The following STAG1 variants were observed in gnomAD, a reference collection of about 807,000 sequenced individuals.
The protein encoded by STAG1 is cohesin subunit SA-1.
STAG1 carries 26 observed loss-of-function variants against 170.9 expected under a neutral mutation model. The observed-to-expected ratio is 0.15, with a 90% CI of 0.11 to 0.21. STAG1 has a LOEUF of 0.21. Ranked by LOEUF, STAG1 falls within the 10% of genes least tolerant of loss-of-function variation. The pLI is 1.00. For synonymous variants in STAG1, 514 were observed against 497.7 expected (o/e 1.03, Z -0.44); for missense variants, 964 against 1,509.5 (o/e 0.64, Z 5.99).
intron 5 of STAG1, among the ~76,000 whole-genome samples, chr3:136,558,490 G>T (rs550014934): frequency 2.0e-5 from 3 of 152,334 alleles, no homozygotes; most frequent in East Asian, 3.9e-4. Context: ...TCATGCAAGA[G>T]AAAATTCTCA....
chr3:136,526,370 T>G (rs890624705), intron 6 of STAG1, among the ~76,000 whole-genome samples: 72 of 152,256 alleles, frequency 4.7e-4, no homozygotes, highest in East Asian at 5.8e-4. Context: ...TGTCTCTTTC[T>G]ATCTTTGTTG....
intron 4 of STAG1, among the ~76,000 whole-genome samples, chr3:136,574,171 G>A (rs1046051844): frequency 2.0e-5 from 3 of 152,066 alleles, no homozygotes; most frequent in African/African-American, 7.2e-5. Context: ...AACCCGGGAG[G>A]TGGAGGTTGC....
At chr3:136,534,576 A>G (rs868596918) in intron 6 of STAG1, among the ~76,000 whole-genome samples, 41 of 152,338 alleles carry the variant, frequency 2.7e-4, no homozygotes, top group Middle Eastern at 3.4e-3. Context: ...ATCGCATTAA[A>G]AAGTGAGCAA....
chr3:136,732,313 G>GT lies in STAG1; in HGVS notation c.-84+19881_-84+19882insA, dbSNP rs1934089996. On this transcript the variant is annotated intron_variant, in intron 1 of 33. Coordinates refer to ENST00000383202, the MANE Select transcript of STAG1 (RefSeq NM_005862.3). ...TCCCAATGGGAGGAAAAAGTAGTAA[G>GT]CCATCATCTTATTTTGTCTAGAGGT... Among the ~76,000 whole-genome samples the GT allele has an allele frequency of 1.3e-5, 2 of 149,372 alleles. 1 individual carries two copies. Among genetic ancestry groups the GT allele is most frequent in the South Asian group, 4.2e-4 (2 of 4,760 alleles).
chr3:136,654,594 A>G (rs1304788706), intron 1 of STAG1, among the ~76,000 whole-genome samples: 8 of 152,216 alleles, frequency 5.3e-5, no homozygotes, highest in African/African-American at 1.9e-4. Flanking sequence ...CCCTTTCAAA[A>G]TAACAACAGT....
In STAG1 at chr3:136,604,321, T is replaced by G. The variant is rs1320033287; in HGVS notation, c.285A>C (p.Lys95Asn). 2.5e-6 allele frequency: 4 copies of G among 1,605,814 alleles called. No individual in the cohort carries two copies. Among genetic ancestry groups the G allele is most frequent in the Non-Finnish European group, 3.4e-6 (4 of 1,178,150 alleles). The part of the protein sequence containing the change: ...VTLFEVVKLG[K>N]SAMQSVVDDW... Reference sequence around the variant, plus strand: ...ACTTAAAATTTACCTGCATTGCACTTTTCCCCAGTTTCACCACCTCAAATA... The same window carrying G: ...ACTTAAAATTTACCTGCATTGCACTGTTCCCCAGTTTCACCACCTCAAATA... The change falls in exon 4 of 34, where the codon AAA (lysine) becomes AAC (asparagine). Residue 95 changes from lysine (K) to asparagine (N), a missense_variant. Physicochemically the swap from Lys to Asn is moderately conservative, Grantham distance 94 (BLOSUM62 0). Around this residue, in one of 11 missense-constraint regions of STAG1, gnomAD observed 108 missense variants for 120.2 expected, o/e 0.90. Coordinates refer to ENST00000383202, the MANE Select transcript of STAG1 (RefSeq NM_005862.3).
chr3:136,647,461 C>T (rs1038405200), intron 1 of STAG1, among the ~76,000 whole-genome samples: 4 of 152,108 alleles, frequency 2.6e-5, no homozygotes, highest in African/African-American at 4.8e-5. Flanking sequence ...CCCAGCTACT[C>T]GGGAGGCTGA....
chr3:136,506,000 G>A (rs1933740102), intron 7 of STAG1, among the ~76,000 whole-genome samples: 1 of 152,040 alleles, frequency 6.6e-6, no homozygotes, highest in African/African-American at 2.4e-5. Context: ...GGAAGGAAGA[G>A]GCCAGATTAT....
At chr3:136,598,557 G>A (rs1473304806) in intron 4 of STAG1, among the ~76,000 whole-genome samples, 2 of 151,832 alleles carry the variant, frequency 1.3e-5, no homozygotes, top group African/African-American at 4.8e-5. Flanking sequence ...CTCCCAAGTA[G>A]CTGGGACTAT....
rs75660911 is a variant in STAG1 at position 136,694,127 on chromosome 3, C to T, written c.-84+58068G>A. On this transcript the variant is annotated intron_variant, in intron 1 of 33. Coordinates refer to ENST00000383202, the MANE Select transcript of STAG1 (RefSeq NM_005862.3). ...AGTTCATTTGGCTCTAGGATACAAGCTTGAATTTTATTCCAATCAATGGCT... is the reference window on the plus strand; with the variant it reads ...AGTTCATTTGGCTCTAGGATACAAGTTTGAATTTTATTCCAATCAATGGCT... 7.2e-3 allele frequency among the ~76,000 whole-genome samples: 1,100 copies of T among 152,260 alleles called. 21 individuals are homozygous for T. Among genetic ancestry groups the T allele is most frequent in the African/African-American group, 0.024 (990 of 41,544 alleles).
chr3:136,679,411 C>G (rs954281173), intron 1 of STAG1, among the ~76,000 whole-genome samples: 1 of 151,812 alleles, frequency 6.6e-6, no homozygotes, highest in Admixed American at 6.6e-5. Context: ...GAAACCACAT[C>G]TCTACAAAAA....
At chr3:136,519,739 C>G (rs1483435719) in intron 7 of STAG1, among the ~76,000 whole-genome samples, 1 of 151,736 alleles carries the variant, frequency 6.6e-6, no homozygotes, top group African/African-American at 2.4e-5. Flanking sequence ...GAATAATAAA[C>G]AGTATTTTTA....
intron 4 of STAG1, among the ~76,000 whole-genome samples, chr3:136,590,771 T>C (rs1448234196): frequency 7.9e-5 from 12 of 152,206 alleles, no homozygotes; most frequent in Admixed American, 5.9e-4. Flanking sequence ...AAAAATACAA[T>C]TGTGGAGACA....
At chr3:136,342,154 G>C (rs867039598) in intron 30 of STAG1, among the ~76,000 whole-genome samples, 5 of 151,594 alleles carry the variant, frequency 3.3e-5, no homozygotes, top group Non-Finnish European at 5.9e-5. Context: ...CGAGTAGCTG[G>C]GACTACAGGC....
intron 5 of STAG1, among the ~76,000 whole-genome samples, chr3:136,555,834 C>CAA (rs1360236319): frequency 7.2e-6 from 1 of 139,750 alleles, no homozygotes; most frequent in African/African-American, 2.6e-5. Flanking sequence ...GAAATAATTC[C>CAA]AAAAAAAAAA....
chr3:136,356,855 C>T (rs1032623814), intron 28 of STAG1, among the ~76,000 whole-genome samples: 13 of 151,996 alleles, frequency 8.6e-5, no homozygotes, highest in African/African-American at 2.7e-4. Flanking sequence ...TGGGTTCAAG[C>T]GATTCTTGTG....
At chr3:136,400,781 G>A (rs1302065285) in intron 21 of STAG1, among the ~76,000 whole-genome samples, 4 of 151,972 alleles carry the variant, frequency 2.6e-5, no homozygotes, top group African/African-American at 4.8e-5. Context: ...TGATCCGCCC[G>A]CCTCAGCCTC....
chr3:136,468,464 C>T (rs188528132), intron 12 of STAG1, among the ~76,000 whole-genome samples: 84 of 152,140 alleles, frequency 5.5e-4, no homozygotes, highest in African/African-American at 1.7e-3. Flanking sequence ...CAGGAAGAAG[C>T]TGAATCCCTG....
chr3:136,743,229 G>A (rs557123264), intron 1 of STAG1, among the ~76,000 whole-genome samples: 130 of 152,112 alleles, frequency 8.5e-4, no homozygotes, highest in Non-Finnish European at 1.3e-3. Context: ...TTAGTCAGGC[G>A]TAGTGGAGGG....
Sources: gnomAD v4.1 joint callset for allele counts (sites outside exome capture counted in the v4.1 genomes callset) on GRCh38, gnomAD v4.1.1 for gene constraint, gnomAD v4.1.1 regional missense constraint, MANE v1.5 for transcripts, NCBI Gene and HGNC (gene_info 2026-07-23, HGNC 2026-07-21) for gene names.